LRP1B: variants seen among roughly 807,000 people sequenced by gnomAD.
LRP1B encodes the protein low-density lipoprotein receptor-related protein 1B.
In LRP1B, 217 loss-of-function variants were observed where a neutral mutation model predicts 556.6. The ratio of observed to expected loss-of-function variants is 0.39; its 90% confidence interval spans 0.35 to 0.44. The LOEUF is 0.44. Among genes scored for constraint, LRP1B ranks in the 20% least tolerant of loss-of-function variants. The pLI, the probability that LRP1B is intolerant of heterozygous loss-of-function variation, is 1.00. For missense variants in LRP1B, 5,053 were observed against 5,620.8 expected, an observed-to-expected ratio of 0.90 and a Z score of 3.23; for synonymous variants, 2,047 against 1,865.8, an observed-to-expected ratio of 1.10 and a Z score of -2.50.
At chr2:140,552,755 G>A (rs556931390) in intron 43 of LRP1B, among the ~76,000 whole-genome samples, 2 of 152,118 alleles carry the variant, frequency 1.3e-5, no homozygotes, top group South Asian at 4.1e-4. Flanking sequence ...TCCTAGAAAT[G>A]GGTTCATGTT....
chr2:140,715,329 T>C (rs1250690880), intron 37 of LRP1B, among the ~76,000 whole-genome samples: 1 of 152,014 alleles, frequency 6.6e-6, no homozygotes, highest in Non-Finnish European at 1.5e-5. Context: ...TAAGATAATA[T>C]CAAATTTAAT....
At chr2:140,645,781 G>T (rs997327150) in intron 41 of LRP1B, among the ~76,000 whole-genome samples, 63 of 151,472 alleles carry the variant, frequency 4.2e-4, no homozygotes, top group African/African-American at 1.5e-3. Flanking sequence ...CTCGTGATCC[G>T]CCCGCCTCGG....
intron 3 of LRP1B, among the ~76,000 whole-genome samples, chr2:141,349,437 T>C (rs1045859169): frequency 2.0e-5 from 3 of 152,026 alleles, no homozygotes; most frequent in Non-Finnish European, 4.4e-5. Context: ...TGGAAAGAGA[T>C]TGTTTTACAA....
intron 2 of LRP1B, among the ~76,000 whole-genome samples, chr2:141,593,235 C>G (rs971386972): frequency 6.6e-6 from 1 of 152,038 alleles, no homozygotes; most frequent in African/African-American, 2.4e-5. Context: ...TAGAAAAAAC[C>G]TGGACCCATG....
chr2:142,085,312 G>A (rs2104938854), intron 1 of LRP1B, among the ~76,000 whole-genome samples: 1 of 152,224 alleles, frequency 6.6e-6, no homozygotes, highest in South Asian at 2.1e-4. Context: ...ATATTAACAT[G>A]TGAGATAACA....
At chr2:140,921,928 G>A (rs936372321) in intron 21 of LRP1B, among the ~76,000 whole-genome samples, 5 of 151,846 alleles carry the variant, frequency 3.3e-5, no homozygotes, top group African/African-American at 9.7e-5. Flanking sequence ...CTTCTTATTT[G>A]TACTTTTTGT....
At chr2:140,765,927 T>A (rs546904762) in intron 35 of LRP1B, among the ~76,000 whole-genome samples, 1 of 152,084 alleles carries the variant, frequency 6.6e-6, no homozygotes, top group South Asian at 2.1e-4. Flanking sequence ...GACGAGTTAA[T>A]GGGTGCAGCA....
Position 141,015,829 on chromosome 2 carries a change from C to T in LRP1B, c.2057G>A (p.Arg686Gln), listed in dbSNP as rs1332464429. 1.2e-6 allele frequency: 2 copies of T among 1,613,482 alleles called. No individual in the cohort carries two copies. The highest frequency in any genetic ancestry group is 1.1e-5 in the South Asian group (1 of 91,068). ...CATCTTTGAAGTCACAAAAATCTGC[C>T]GATTGAATCCATCCATCCAGGCCTT... ...IEKAWMDGFN[R>Q]QIFVTSKMLW... The change falls in exon 13 of 91, where the codon CGG (arginine) becomes CAG (glutamine). Residue 686 changes from arginine to glutamine, a missense_variant. Physicochemically the swap from Arg to Gln is conservative, Grantham distance 43. Transcript: ENST00000389484.
chr2:140,770,363 T>A (rs1037194168), intron 34 of LRP1B, among the ~76,000 whole-genome samples: 3 of 151,954 alleles, frequency 2.0e-5, no homozygotes, highest in Admixed American at 6.6e-5. Flanking sequence ...ATATAAAAGA[T>A]CATTCTAGAA....
chr2:141,758,990 C>A (rs1337374406), intron 2 of LRP1B, among the ~76,000 whole-genome samples: 4 of 151,898 alleles, frequency 2.6e-5, no homozygotes, highest in Non-Finnish European at 5.9e-5. Flanking sequence ...AAAGCCAAAT[C>A]ATGATTTTTA....
At chr2:140,731,129 C>T (rs141179606) in intron 35 of LRP1B, among the ~76,000 whole-genome samples, 1 of 152,170 alleles carries the variant, frequency 6.6e-6, no homozygotes, top group Non-Finnish European at 1.5e-5. Context: ...TCATATTCTT[C>T]CTCTGCCAGG....
intron 90 of LRP1B, 47 bp downstream of exon 90, chr2:140,234,739 G>T (rs750011954): frequency 2.6e-6 from 2 of 756,210 alleles, no homozygotes; most frequent in South Asian, 2.8e-5. Flanking sequence ...TGATTGTGAG[G>T]GTTCTGTGAT....
At chr2:141,148,026 T>C (rs181506234) in intron 7 of LRP1B, among the ~76,000 whole-genome samples, 2 of 152,314 alleles carry the variant, frequency 1.3e-5, no homozygotes, top group Admixed American at 1.3e-4. Context: ...TTAGTGTAAG[T>C]ACACTCTATG....
At position 140,568,134 on chromosome 2, in the gene LRP1B, A is replaced by G. The variant is rs991250772; in HGVS notation, c.7195-26163T>C. Among the ~76,000 whole-genome samples, 3 of 152,118 alleles carry G rather than the reference A, an allele frequency of 2.0e-5. No homozygotes were observed. The East Asian group carries it at 5.8e-4, about 29-fold the overall frequency. ...CTCTCCAGAAACTGACCCAAAGGAA[A>G]AGAAAATCTATAAATTGCCAGAAGA... On this transcript the variant is annotated intron_variant, in intron 43 of 90. Transcript: ENST00000389484.
chr2:141,175,281 T>C (rs912500238), intron 7 of LRP1B, among the ~76,000 whole-genome samples: 45 of 152,092 alleles, frequency 3.0e-4, no homozygotes, highest in Non-Finnish European at 1.5e-5. Flanking sequence ...AAACTTTGCA[T>C]AAGTAAAGAG....
At chr2:140,801,164 G>A in intron 32 of LRP1B, among the ~76,000 whole-genome samples, 1 of 152,068 alleles carries the variant, frequency 6.6e-6, no homozygotes, top group East Asian at 1.9e-4. Flanking sequence ...AATAAAGTGT[G>A]GTCCCAAATT....
Position 141,308,116 on chromosome 2 carries a change from T to C in LRP1B, c.344-53475A>G, listed in dbSNP as rs990470810. 2.0e-5 allele frequency among the ~76,000 whole-genome samples: 3 copies of C among 152,284 alleles called. No homozygotes were observed. In the East Asian group the frequency reaches 5.8e-4, roughly 29 times the overall value. ...GTGATCTCCAGGCCCCTGCATGGCA[T>C]GTTCAGGCACTGGTTCAGGAATCAG... On this transcript the variant is annotated intron_variant, in intron 3 of 90. Transcript: ENST00000389484.
At chr2:140,325,066 G>A (rs1296810853) in intron 80 of LRP1B, among the ~76,000 whole-genome samples, 1 of 151,884 alleles carries the variant, frequency 6.6e-6, no homozygotes, top group African/African-American at 2.4e-5. Context: ...GATAATTTGT[G>A]GTTACAAAAA....
chr2:140,748,455 T>G (rs1313059156), intron 35 of LRP1B, among the ~76,000 whole-genome samples: 1 of 101,150 alleles, frequency 9.9e-6, no homozygotes, highest in Non-Finnish European at 2.0e-5. Context: ...TATATATATA[T>G]ACACACACAT....
Sources: allele counts gnomAD v4.1 joint callset (sites outside exome capture counted in the v4.1 genomes callset), GRCh38; gene constraint gnomAD v4.1.1; transcripts MANE v1.5; gene names NCBI Gene and HGNC (gene_info 2026-07-23, HGNC 2026-07-21).